CEP112: variants seen among roughly 807,000 people sequenced by gnomAD.
CEP112 encodes the protein centrosomal protein 112.
CEP112 carries 127 observed loss-of-function variants against 153.0 expected under a neutral mutation model. The ratio of observed to expected loss-of-function variants is 0.83; its 90% CI spans 0.72 to 0.96. CEP112 has a LOEUF of 0.96. Ranked by LOEUF, CEP112 falls within the 40% of genes least tolerant of loss-of-function variation. CEP112 has a pLI of 0.00. For missense variants in CEP112, 1,089 were observed against 1,101.2 expected (o/e 0.99, Z 0.16); for synonymous variants, 358 against 374.4 (o/e 0.96, Z 0.51).
intron 24 of CEP112, among the ~76,000 whole-genome samples, chr17:65,671,109 AG>A (rs2046959234): frequency 6.6e-6 from 1 of 151,726 alleles, no homozygotes; most frequent in South Asian, 2.1e-4. Flanking sequence ...TTGGCTGAGA[AG>A]GGGGGTGGGT....
At chr17:65,692,083 G>A (rs945059393) in intron 23 of CEP112, among the ~76,000 whole-genome samples, 2 of 152,176 alleles carry the variant, frequency 1.3e-5, no homozygotes, top group African/African-American at 4.8e-5. Flanking sequence ...CATCCACGGA[G>A]TGGATTTTAT....
intron 23 of CEP112, among the ~76,000 whole-genome samples, chr17:65,736,373 C>T (rs1369836171): frequency 2.0e-5 from 3 of 152,096 alleles, no homozygotes; most frequent in Non-Finnish European, 4.4e-5. Flanking sequence ...TTTATGACAG[C>T]TCTAGATTGT....
intron 17 of CEP112, among the ~76,000 whole-genome samples, chr17:65,998,518 T>C (rs754815349): frequency 2.6e-5 from 4 of 151,092 alleles, no homozygotes; most frequent in Non-Finnish European, 5.9e-5. Context: ...GGTGTGAGAA[T>C]TGTACCTCAA....
At chr17:66,068,968 T>G (rs1009831760) in intron 9 of CEP112, among the ~76,000 whole-genome samples, 1 of 151,952 alleles carries the variant, frequency 6.6e-6, no homozygotes, top group South Asian at 2.1e-4. Flanking sequence ...CTGTAATATC[T>G]GAATGGGGGA....
At chr17:65,850,286 G>C (rs763937566) in intron 21 of CEP112, among the ~76,000 whole-genome samples, 1 of 151,572 alleles carries the variant, frequency 6.6e-6, no homozygotes, top group Non-Finnish European at 1.5e-5. Context: ...AACATGTCCC[G>C]AGAGGCCCAA....
chr17:65,788,893 C>T (rs560168657), intron 21 of CEP112, among the ~76,000 whole-genome samples: 27 of 152,292 alleles, frequency 1.8e-4, no homozygotes, highest in African/African-American at 6.3e-4. Flanking sequence ...CTTATTTCCT[C>T]CTGGTTCTCC....
At chr17:65,812,764 G>T (rs2145923585) in intron 21 of CEP112, among the ~76,000 whole-genome samples, 1 of 152,222 alleles carries the variant, frequency 6.6e-6, no homozygotes, top group East Asian at 1.9e-4. Flanking sequence ...AGCTTGAAAA[G>T]TCAAAGTGAC....
intron 21 of CEP112, among the ~76,000 whole-genome samples, chr17:65,824,972 G>C (rs985848907): frequency 1.3e-5 from 2 of 152,130 alleles, no homozygotes; most frequent in Non-Finnish European, 2.9e-5. Flanking sequence ...TCCTACTTCT[G>C]AGTATATACC....
intron 4 of CEP112, among the ~76,000 whole-genome samples, chr17:66,155,974 T>A (rs1239741791): frequency 6.6e-6 from 1 of 152,212 alleles, no homozygotes; most frequent in African/African-American, 2.4e-5. Flanking sequence ...GACTTAAACC[T>A]TCCTTCCTGT....
intron 17 of CEP112, among the ~76,000 whole-genome samples, chr17:65,971,024 G>T (rs1047684043): frequency 2.6e-5 from 4 of 152,192 alleles, no homozygotes; most frequent in Admixed American, 1.3e-4. Context: ...GATAATTATT[G>T]GAAATTTTTA....
At chr17:66,022,710 A>AT (rs2065048506) in intron 16 of CEP112, among the ~76,000 whole-genome samples, 1 of 96,114 alleles carries the variant, frequency 1.0e-5, no homozygotes, top group African/African-American at 4.6e-5. Flanking sequence ...CTCCGCCTCA[A>AT]GAAAAAAAAA....
chr17:65,979,128 G>A (rs528268063), intron 17 of CEP112, among the ~76,000 whole-genome samples: 1 of 152,260 alleles, frequency 6.6e-6, no homozygotes, highest in African/African-American at 2.4e-5. Context: ...AAGCAGAGAG[G>A]AGAAAAGAGA....
intron 23 of CEP112, among the ~76,000 whole-genome samples, chr17:65,738,971 T>C (rs561516745): frequency 1.3e-5 from 2 of 152,220 alleles, no homozygotes; most frequent in Non-Finnish European, 2.9e-5. Context: ...CTATGACCTA[T>C]CTTGATCAAT....
At chr17:66,180,140 T>C (rs2072658640) in intron 2 of CEP112, among the ~76,000 whole-genome samples, 1 of 152,156 alleles carries the variant, frequency 6.6e-6, no homozygotes, top group African/African-American at 2.4e-5. Flanking sequence ...TACTGGCCTG[T>C]AGTTTTCTTT....
chr17:65,973,547 A>G (rs2062925843), intron 17 of CEP112, among the ~76,000 whole-genome samples: 1 of 152,210 alleles, frequency 6.6e-6, no homozygotes, highest in African/African-American at 2.4e-5. Context: ...GAAAACCACA[A>G]TAAGATACTA....
chr17:66,118,892 C>CA (rs60819285), intron 6 of CEP112, among the ~76,000 whole-genome samples: 11 of 150,686 alleles, frequency 7.3e-5, no homozygotes, highest in Middle Eastern at 3.4e-3. Flanking sequence ...TTCCATCAAA[C>CA]AAAAAAAAAT....
At chr17:66,058,896 T>C (rs2066813244) in intron 11 of CEP112, among the ~76,000 whole-genome samples, 2 of 152,102 alleles carry the variant, frequency 1.3e-5, no homozygotes, top group Non-Finnish European at 2.9e-5. Context: ...GGAATCACAT[T>C]ACCCAACTTA....
chr17:65,884,303 C>T (rs879092464), intron 20 of CEP112, among the ~76,000 whole-genome samples: 5 of 152,056 alleles, frequency 3.3e-5, no homozygotes, highest in African/African-American at 9.7e-5. Context: ...AGCATGAAAG[C>T]GTTATTTGCA....
intron 19 of CEP112, chr17:65,913,341 G>A (rs2060355860): frequency 4.5e-6 from 1 of 222,038 alleles, no homozygotes; most frequent in South Asian, 1.6e-4. Flanking sequence ...TTCACTATAT[G>A]AGAAAAGCTC....
Sources: gnomAD v4.1 joint callset for allele counts (sites outside exome capture counted in the v4.1 genomes callset) on GRCh38, gnomAD v4.1.1 for gene constraint, MANE v1.5 for transcripts, NCBI Gene and HGNC (gene_info 2026-07-23, HGNC 2026-07-21) for gene names.